The following ZFHX3 variants were observed in gnomAD, a reference collection of about 807,000 sequenced individuals.
ZFHX3 encodes the protein zinc finger homeobox 3.
ZFHX3 carries 42 observed loss-of-function variants against 279.1 expected under a neutral mutation model. That is an observed-to-expected ratio of 0.15 (90% CI 0.12 to 0.19). ZFHX3 has a LOEUF of 0.19. ZFHX3 is among the 10% of genes least tolerant of loss of function. The probability of loss-of-function intolerance (pLI) is 1.00; values close to 1 mark genes in which losing one functional copy is unlikely to be tolerated. For missense variants in ZFHX3, 4,981 were observed against 4,754.0 expected (o/e 1.05, Z -1.40); for synonymous variants, 2,293 against 1,957.8 (o/e 1.17, Z -4.52).
intron 1 of ZFHX3, among the ~76,000 whole-genome samples, chr16:73,874,561 A>G (rs1224804924): frequency 1.3e-5 from 2 of 152,198 alleles, no homozygotes; most frequent in African/African-American, 4.8e-5. Flanking sequence ...CATTTGTAAA[A>G]CAGTTCAATC....
At chr16:73,186,525 T>A (rs1967911806) in intron 5 of ZFHX3, among the ~76,000 whole-genome samples, 1 of 151,246 alleles carries the variant, frequency 6.6e-6, no homozygotes, top group South Asian at 2.1e-4. Context: ...TTTGTGGATA[T>A]ACCAGCCAAT....
intron 7 of ZFHX3, among the ~76,000 whole-genome samples, chr16:73,106,010 A>C (rs1041961639): frequency 8.7e-5 from 12 of 138,410 alleles, no homozygotes; most frequent in Non-Finnish European, 1.7e-4. Flanking sequence ...CCTCAGAGCC[A>C]GGGAATCCTC....
At chr16:72,994,123 T>C (rs1963193077) in intron 1 of ZFHX3, among the ~76,000 whole-genome samples, 1 of 152,224 alleles carries the variant, frequency 6.6e-6, no homozygotes, top group African/African-American at 2.4e-5. Flanking sequence ...AACAAGGACT[T>C]TGTGCCACAC....
At chr16:73,177,398 G>A (rs1804631768) in intron 5 of ZFHX3, among the ~76,000 whole-genome samples, 2 of 152,180 alleles carry the variant, frequency 1.3e-5, no homozygotes, top group Non-Finnish European at 2.9e-5. Context: ...TAAAGGGGAA[G>A]GAGAAAATGT....
intron 2 of ZFHX3, among the ~76,000 whole-genome samples, chr16:73,613,040 C>A (rs1422725405): frequency 6.6e-6 from 1 of 152,090 alleles, no homozygotes. Context: ...AATAAGATAT[C>A]AAGCTGGAGG....
chr16:73,080,597 G>A (rs566482511), intron 8 of ZFHX3, among the ~76,000 whole-genome samples: 64 of 151,438 alleles, frequency 4.2e-4, no homozygotes, highest in African/African-American at 1.5e-3. Context: ...TTTTTGAGAT[G>A]GGATCTTGCT....
At chr16:73,871,735 A>T (rs1355920327) in intron 1 of ZFHX3, among the ~76,000 whole-genome samples, 1 of 147,824 alleles carries the variant, frequency 6.8e-6, no homozygotes, top group Non-Finnish European at 1.5e-5. Flanking sequence ...ATCCCTCTTT[A>T]AAAAAAAAAT....
intron 1 of ZFHX3, among the ~76,000 whole-genome samples, chr16:73,853,016 G>T (rs11647521): frequency 0.041 from 6,301 of 152,132 alleles, 203 homozygotes; most frequent in Middle Eastern, 0.085. Flanking sequence ...CTGAGCAGAG[G>T]ACCTGAACAG....
At chr16:73,889,403 C>T (rs918904942) in intron 1 of ZFHX3, among the ~76,000 whole-genome samples, 1 of 152,156 alleles carries the variant, frequency 6.6e-6, no homozygotes, top group Non-Finnish European at 1.5e-5. Flanking sequence ...CTAGAGTCAG[C>T]ACAGCTGCCT....
intron 1 of ZFHX3, among the ~76,000 whole-genome samples, chr16:73,703,254 T>A (rs972337495): frequency 2.0e-5 from 3 of 151,936 alleles, no homozygotes; most frequent in African/African-American, 7.3e-5. Context: ...CCACTCCTTA[T>A]CCCTCCATAA....
intron 3 of ZFHX3, among the ~76,000 whole-genome samples, chr16:73,328,137 A>G (rs1208072043): frequency 6.6e-6 from 1 of 152,098 alleles, no homozygotes; most frequent in Non-Finnish European, 1.5e-5. Flanking sequence ...GAGGTCTTAA[A>G]TTGTTTTAAA....
At chr16:73,844,212 C>T (rs328375) in intron 1 of ZFHX3, among the ~76,000 whole-genome samples, 2,067 of 152,152 alleles carry the variant, frequency 0.014, 56 homozygotes, top group African/African-American at 0.046. Flanking sequence ...AATGAACAAA[C>T]CATAAAAAGA....
intron 5 of ZFHX3, among the ~76,000 whole-genome samples, chr16:73,167,503 T>C (rs996857696): frequency 3.3e-5 from 5 of 152,238 alleles, no homozygotes; most frequent in Non-Finnish European, 5.9e-5. Flanking sequence ...GCTGATATTT[T>C]AACTGTTTCA....
At chr16:73,598,621 T>A (rs2143856671) in intron 2 of ZFHX3, among the ~76,000 whole-genome samples, 1 of 152,248 alleles carries the variant, frequency 6.6e-6, no homozygotes, top group South Asian at 2.1e-4. Flanking sequence ...AGTCTCTCTG[T>A]GTTGCCCAGG....
intron 1 of ZFHX3, among the ~76,000 whole-genome samples, chr16:73,812,466 G>C (rs1023586550): frequency 6.6e-6 from 1 of 152,016 alleles, no homozygotes; most frequent in East Asian, 1.9e-4. Flanking sequence ...GACTGCATTC[G>C]TTGACCCCTG....
chr16:73,705,985 C>A (rs1436001604), intron 1 of ZFHX3, among the ~76,000 whole-genome samples: 2 of 152,084 alleles, frequency 1.3e-5, no homozygotes, highest in Admixed American at 6.5e-5. Context: ...TTCTCGTGTC[C>A]TCTGCCTCTA....
chr16:72,917,748 G>A (rs2039477711), intron 3 of ZFHX3, among the ~76,000 whole-genome samples: 1 of 152,202 alleles, frequency 6.6e-6, no homozygotes, highest in African/African-American at 2.4e-5. Context: ...CATCTTGGTA[G>A]TGAAATTAGG....
At chr16:73,216,406 T>A (rs2012209920) in intron 5 of ZFHX3, among the ~76,000 whole-genome samples, 1 of 152,240 alleles carries the variant, frequency 6.6e-6, no homozygotes, top group Non-Finnish European at 1.5e-5. Context: ...CCTCTGGGTT[T>A]CCAGAGTCCA....
At chr16:73,591,053 C>T (rs549534436) in intron 2 of ZFHX3, among the ~76,000 whole-genome samples, 2 of 152,102 alleles carry the variant, frequency 1.3e-5, no homozygotes. Flanking sequence ...AGAACAAATG[C>T]CTCAAAAACT....
Sources: allele counts gnomAD v4.1 joint callset (sites outside exome capture counted in the v4.1 genomes callset), GRCh38; gene constraint gnomAD v4.1.1; transcripts MANE v1.5; gene names NCBI Gene and HGNC (gene_info 2026-07-23, HGNC 2026-07-21).